MTMR10: variants seen among roughly 807,000 people sequenced by gnomAD.
The protein encoded by MTMR10 is myotubularin related protein 10.
Under a neutral mutation model 88.1 loss-of-function variants are expected in MTMR10, and 56 were observed. That is an observed-to-expected ratio of 0.64 (90% CI 0.51 to 0.79). MTMR10 has a LOEUF of 0.79. Among genes scored for constraint, MTMR10 ranks in the 30% least tolerant of loss-of-function variants. The probability of loss-of-function intolerance (pLI) is 0.00; values close to 1 mark genes in which losing one functional copy is unlikely to be tolerated. For synonymous variants in MTMR10, 380 were observed against 340.9 expected (o/e 1.11, Z -1.26); for missense variants, 883 against 924.7 (o/e 0.95, Z 0.58).
intron 14 of MTMR10, 36 bp downstream of exon 14, chr15:30,947,094 C>T (rs747291047): frequency 1.9e-6 from 3 of 1,548,652 alleles, no homozygotes; most frequent in East Asian, 2.3e-5. Context: ...GTTGTAAAAA[C>T]AGGGAAAACG....
chr15:30,972,905 C>T (rs2063554382), intron 5 of MTMR10, among the ~76,000 whole-genome samples: 1 of 152,146 alleles, frequency 6.6e-6, no homozygotes, highest in African/African-American at 2.4e-5. Context: ...CGAAAGAGAT[C>T]CGGTCAATTG....
the MTMR10 span, chr15:30,925,162 G>A: frequency 1.4e-5 from 23 of 1,613,938 alleles, no homozygotes; most frequent in Middle Eastern, 1.7e-4. Flanking sequence ...TGGCGGATCC[G>A]GAAGTCAGAA....
Position 30,948,350 on chromosome 15 carries a change from T to A in MTMR10, c.1329A>T (p.Gly443=). ...SLIQKEWVMA[G]YQFLDRCNHL... is the part of the protein sequence containing the mutation. ...GGTTGCATCTGTCTAGAAACTGATA[T>A]CCTGCCATGACCCACTCCTTCTGTA... is the stretch of plus-strand genomic sequence containing the variant. The change falls in exon 13 of 16, where the codon GGA becomes GGT. Residue 443 remains glycine, a synonymous_variant. Transcript: ENST00000435680. The A allele has an allele frequency of 6.2e-7, 1 of 1,613,858 alleles. No individual in the cohort carries two copies. The highest frequency in any genetic ancestry group is 2.2e-5 in the East Asian group (1 of 44,840).
intron 5 of MTMR10, among the ~76,000 whole-genome samples, chr15:30,970,929 C>A (rs2063530556): frequency 6.6e-6 from 1 of 152,080 alleles, no homozygotes. Flanking sequence ...GAACTAAATA[C>A]ATTGTTTTTC....
the MTMR10 span, chr15:30,926,765 C>T: frequency 1.2e-4 from 121 of 985,252 alleles, no homozygotes; most frequent in Middle Eastern, 5.2e-4. Flanking sequence ...CAGGCTGGGA[C>T]GTGGGAGCGC....
intron 4 of MTMR10, 118 bp downstream of exon 4, chr15:30,974,813 G>A (rs1158071135): frequency 9.0e-6 from 6 of 668,054 alleles, no homozygotes; most frequent in African/African-American, 1.9e-5. Flanking sequence ...TCAAAAAAAC[G>A]GCAAAAGTAA....
chr15:30,967,600 T>C (rs1397827216), intron 6 of MTMR10, among the ~76,000 whole-genome samples: 1 of 152,190 alleles, frequency 6.6e-6, no homozygotes, highest in Non-Finnish European at 1.5e-5. Flanking sequence ...AAAGATAAGA[T>C]TACTTTAACT....
At chr15:30,970,595 ATAC>A (rs2063526039) in intron 5 of MTMR10, among the ~76,000 whole-genome samples, 1 of 152,176 alleles carries the variant, frequency 6.6e-6, no homozygotes, top group Non-Finnish European at 1.5e-5. Flanking sequence ...AATAATAATA[ATAC>A]TAATGTCTAT....
In MTMR10 at chr15:30,952,005, G is replaced by A. The variant is rs746225102; in HGVS notation, c.1170C>T (p.Tyr390=). The A allele has an allele frequency of 6.2e-7, 1 of 1,613,890 alleles. No individual in the cohort carries two copies. Among genetic ancestry groups the A allele is most frequent in the Non-Finnish European group, 8.5e-7 (1 of 1,179,776 alleles). Residue 390 remains tyrosine, a synonymous_variant, in exon 12 of 16, where the codon TAC becomes TAT. Transcript: ENST00000435680. The part of the protein sequence containing the change: ...AFLKHSAELV[Y]MLESKHLSVV... Reference sequence around the variant, plus strand: ...CAGAGAGATGTTTGCTTTCTAGCATGTATACAAGTTCTGCTGAATGCTTAA... The same window carrying A: ...CAGAGAGATGTTTGCTTTCTAGCATATATACAAGTTCTGCTGAATGCTTAA...
intron 5 of MTMR10, among the ~76,000 whole-genome samples, chr15:30,969,026 G>A (rs2063505519): frequency 6.6e-6 from 1 of 152,062 alleles, no homozygotes; most frequent in South Asian, 2.1e-4. Flanking sequence ...AGAAGGTAAA[G>A]CGTTAAGTTA....
chr15:30,981,581 G>A (rs1374059740), intron 2 of MTMR10, among the ~76,000 whole-genome samples: 1 of 152,172 alleles, frequency 6.6e-6, no homozygotes, highest in African/African-American at 2.4e-5. Context: ...GTTTTATTGG[G>A]GAATCTAAGG....
chr15:30,953,009 T>TG (rs2063271949), intron 11 of MTMR10, among the ~76,000 whole-genome samples: 1 of 152,068 alleles, frequency 6.6e-6, no homozygotes, highest in Non-Finnish European at 1.5e-5. Context: ...AGGCTGGTCT[T>TG]GAACTCCTGA....
intron 14 of MTMR10, among the ~76,000 whole-genome samples, chr15:30,945,749 A>G (rs557737124): frequency 2.0e-5 from 3 of 152,344 alleles, no homozygotes; most frequent in African/African-American, 7.2e-5. Context: ...CTAAGCCTGT[A>G]TCACTGGTTC....
chr15:30,961,261 T>C (rs2063398188), intron 6 of MTMR10, among the ~76,000 whole-genome samples, 188 bp from the exon 7 acceptor site: 1 of 151,138 alleles, frequency 6.6e-6, no homozygotes, highest in Non-Finnish European at 1.5e-5. Context: ...TTTGACGGAG[T>C]CTCGTTCTGT....
Position 30,940,213 on chromosome 15 carries a change from G to C in MTMR10, c.*1257C>G, listed in dbSNP as rs1040337482. 1 of 985,264 alleles carries C rather than the reference G, an allele frequency of 1.0e-6. No individual in the cohort carries two copies. Among genetic ancestry groups the C allele is most frequent in the Non-Finnish European group, 1.2e-6 (1 of 829,872 alleles). The allele number at this position is 985,264 out of a possible 1,614,324, so 61.0% of individuals were successfully genotyped here. ...GGAGGTGGTGCCCCGTTTCACTGCT[G>C]TAAGAAGCTTCAGCTTTGACCGCTA... is the stretch of plus-strand genomic sequence containing the variant. On this transcript the variant is annotated 3_prime_UTR_variant, in exon 16 of 16. Transcript: ENST00000435680.
intron 9 of MTMR10, 34 bp downstream of exon 9, chr15:30,958,829 C>G (rs767985563): frequency 4.5e-5 from 72 of 1,600,508 alleles, no homozygotes; most frequent in South Asian, 2.9e-4. Flanking sequence ...ACAAGTAAAA[C>G]TATCTAAAGT....
At chr15:30,954,276 G>T (rs1267558078) in intron 10 of MTMR10, among the ~76,000 whole-genome samples, 2 of 152,178 alleles carry the variant, frequency 1.3e-5, no homozygotes, top group Non-Finnish European at 2.9e-5. Context: ...TCTTGAGGAG[G>T]ACCCACATTA....
chr15:30,988,797 T>C (rs1267495136), intron 2 of MTMR10, among the ~76,000 whole-genome samples: 1 of 152,136 alleles, frequency 6.6e-6, no homozygotes, highest in Non-Finnish European at 1.5e-5. Context: ...AAGACCAGCC[T>C]GGCCAACATG....
the MTMR10 span, among the ~76,000 whole-genome samples, chr15:30,931,736 A>G: frequency 6.6e-6 from 1 of 152,006 alleles, no homozygotes; most frequent in South Asian, 2.1e-4. Flanking sequence ...ACCCATATAT[A>G]TGTGGGTCTG....
Sources: gnomAD v4.1 joint callset for allele counts (sites outside exome capture counted in the v4.1 genomes callset) on GRCh38, gnomAD v4.1.1 for gene constraint, MANE v1.5 for transcripts, NCBI Gene and HGNC (gene_info 2026-07-23, HGNC 2026-07-21) for gene names.